CPQ: variants seen among roughly 807,000 people sequenced by gnomAD.
The protein encoded by CPQ is Ser-Met dipeptidase.
In CPQ, 37 loss-of-function variants were observed where a neutral mutation model predicts 45.7. The ratio of observed to expected loss-of-function variants is 0.81; its 90% CI spans 0.62 to 1.07. CPQ has a LOEUF of 1.07. CPQ is among the 50% of genes least tolerant of loss of function. CPQ has a pLI of 0.00. For missense variants in CPQ, 537 were observed against 572.9 expected (o/e 0.94, Z 0.64); for synonymous variants, 186 against 205.8 (o/e 0.90, Z 0.82).
At chr8:97,088,293 G>T (rs1008422301) in intron 7 of CPQ, among the ~76,000 whole-genome samples, 1 of 152,150 alleles carries the variant, frequency 6.6e-6, no homozygotes, top group African/African-American at 2.4e-5. Flanking sequence ...TTTTAATGTT[G>T]TGAATAGCTG....
Position 96,876,883 on chromosome 8 carries a change from GTTTTC to G in CPQ, c.642-2907_642-2903del, listed in dbSNP as rs951459210. Among the ~76,000 whole-genome samples the G allele has an allele frequency of 1.3e-4, 20 of 152,224 alleles. 1 individual carries two copies. Among genetic ancestry groups the G allele is most frequent in the Admixed American group, 1.2e-3 (19 of 15,282 alleles). On this transcript the variant is annotated intron_variant, in intron 3 of 7. Transcript: ENST00000220763. ...ATTTATAAGGGATTTTTGGTCTGTA[GTTTTC>G]TTTTCTTGTGTTGTGATGCCTTTGT...
chr8:96,744,996 A>G (rs1810155473), intron 1 of CPQ, among the ~76,000 whole-genome samples: 2 of 152,144 alleles, frequency 1.3e-5, no homozygotes, highest in Admixed American at 6.5e-5. Flanking sequence ...ATAGTGACTT[A>G]GGGTTAAATG....
At chr8:96,859,664 C>T (rs142830505) in intron 3 of CPQ, among the ~76,000 whole-genome samples, 1 of 152,086 alleles carries the variant, frequency 6.6e-6, no homozygotes, top group Non-Finnish European at 1.5e-5. Flanking sequence ...ATTTATTTAA[C>T]TTTTCTAGTT....
At chr8:96,953,838 G>A (rs1021588056) in intron 4 of CPQ, among the ~76,000 whole-genome samples, 10 of 152,088 alleles carry the variant, frequency 6.6e-5, no homozygotes, top group Non-Finnish European at 1.5e-4. Context: ...CTCTCAAAGT[G>A]CAGTGTGTGC....
At chr8:96,991,553 C>CATAATA (rs36215104) in intron 5 of CPQ, among the ~76,000 whole-genome samples, 9 of 139,980 alleles carry the variant, frequency 6.4e-5, no homozygotes, top group African/African-American at 1.3e-4. Flanking sequence ...AAGAGTCTGT[C>CATAATA]ATAATAATAA....
chr8:96,706,872 A>G lies in CPQ; in HGVS notation c.-35+61470A>G, dbSNP rs566923609. 2.6e-5 allele frequency among the ~76,000 whole-genome samples: 4 copies of G among 152,274 alleles called. No individual in the cohort carries two copies. The South Asian group carries it at 8.3e-4, about 32-fold the overall frequency. On this transcript the variant is annotated intron_variant, in intron 1 of 7. Coordinates refer to ENST00000220763, the MANE Select transcript of CPQ (RefSeq NM_016134.4). ...TTCAAATTTTCTATTTCTTACAACCATAATCTTCTAGAATAGCCACAAAGG... is the reference window on the plus strand; with the variant it reads ...TTCAAATTTTCTATTTCTTACAACCGTAATCTTCTAGAATAGCCACAAAGG...
intron 5 of CPQ, among the ~76,000 whole-genome samples, chr8:96,983,370 A>G (rs1563545908): frequency 6.6e-6 from 1 of 152,226 alleles, no homozygotes. Context: ...ATAGTGCCTT[A>G]AAGTTTCCAA....
At chr8:96,731,871 T>G (rs185369562) in intron 1 of CPQ, among the ~76,000 whole-genome samples, 2,913 of 152,086 alleles carry the variant, frequency 0.019, 101 homozygotes, top group African/African-American at 0.067. Flanking sequence ...TCCAATATGG[T>G]TAAACAAAAC....
At position 97,057,803 on chromosome 8, in the gene CPQ, AG is replaced by A. The variant is rs1004052178; in HGVS notation, c.1054-8204del. ...CCTTAAATTTTTGCAGGAGCAAGGCAGGCATTTAAAAAAAATTGAATGAAGT... is the reference window on the plus strand; with the variant it reads ...CCTTAAATTTTTGCAGGAGCAAGGCAGCATTTAAAAAAAATTGAATGAAGT... On this transcript the variant is annotated intron_variant, in intron 6 of 7. Coordinates refer to ENST00000220763, the MANE Select transcript of CPQ (RefSeq NM_016134.4). 3.9e-5 allele frequency among the ~76,000 whole-genome samples: 6 copies of A among 152,184 alleles called. 1 individual carries two copies. The highest frequency in any genetic ancestry group is 3.9e-4 in the Admixed American group (6 of 15,278).
At chr8:96,873,955 T>A (rs1257206249) in intron 3 of CPQ, among the ~76,000 whole-genome samples, 1 of 151,830 alleles carries the variant, frequency 6.6e-6, no homozygotes. Context: ...GGGAGTTTGA[T>A]TGATGTGTGA....
intron 7 of CPQ, chr8:97,092,928 G>A (rs1811149559): frequency 6.6e-6 from 1 of 152,088 alleles, no homozygotes; most frequent in Non-Finnish European, 1.5e-5. Flanking sequence ...TCTGACAAAG[G>A]TCTAATATCT....
At chr8:96,762,790 A>G (rs780422104) in intron 1 of CPQ, among the ~76,000 whole-genome samples, 7 of 152,294 alleles carry the variant, frequency 4.6e-5, no homozygotes, top group Admixed American at 6.5e-5. Flanking sequence ...TGTATATCCC[A>G]AGGTCACAAA....
intron 5 of CPQ, among the ~76,000 whole-genome samples, chr8:96,972,637 C>T (rs1813698776): frequency 6.6e-6 from 1 of 152,222 alleles, no homozygotes; most frequent in Non-Finnish European, 1.5e-5. Context: ...CGACTTCACT[C>T]CCCTGCTAAT....
At position 96,996,075 on chromosome 8, in the gene CPQ, G is replaced by C. The variant is rs376543255; in HGVS notation, c.961+30029G>C. Among the ~76,000 whole-genome samples, 8 of 152,022 alleles carry C rather than the reference G, an allele frequency of 5.3e-5. No individual in the cohort carries two copies. The East Asian group carries it at 9.6e-4, about 18-fold the overall frequency. On this transcript the variant is annotated intron_variant, in intron 5 of 7. Coordinates refer to ENST00000220763, the MANE Select transcript of CPQ (RefSeq NM_016134.4). ...GAAGGAGAGAAAGCCAGAAAGAACAGGGTGGACGATGGTGTTAAGTGTCAA... is the reference window on the plus strand; with the variant it reads ...GAAGGAGAGAAAGCCAGAAAGAACACGGTGGACGATGGTGTTAAGTGTCAA...
intron 4 of CPQ, among the ~76,000 whole-genome samples, chr8:96,913,765 G>C (rs956110568): frequency 2.6e-5 from 4 of 152,142 alleles, no homozygotes; most frequent in Non-Finnish European, 5.9e-5. Context: ...CTAAAGTCTT[G>C]CCTATTGCTG....
chr8:97,022,996 C>CTGT lies in CPQ; in HGVS notation c.962-6407_962-6406insTGT, dbSNP rs1563557037. Among the ~76,000 whole-genome samples the CTGT allele has an allele frequency of 4.9e-5, 7 of 143,362 alleles. No homozygotes were observed. The South Asian group carries it at 1.3e-3, about 26-fold the overall frequency. The allele number at this position is 143,362 out of a possible 152,430, so 94.1% of individuals were successfully genotyped here. ...ATATACTGTATATAGTATATATATA[C>CTGT]AGTATATATATACTATATATAGTAT... On this transcript the variant is annotated intron_variant, in intron 5 of 7. Transcript: ENST00000220763.
chr8:97,032,814 C>A (rs1809932540), intron 6 of CPQ, among the ~76,000 whole-genome samples: 1 of 152,146 alleles, frequency 6.6e-6, no homozygotes, highest in Admixed American at 6.5e-5. Flanking sequence ...ACTTTAAATG[C>A]ACACATAAGA....
chr8:96,887,447 C>T (rs1357811133), intron 4 of CPQ, among the ~76,000 whole-genome samples: 1 of 152,150 alleles, frequency 6.6e-6, no homozygotes, highest in Non-Finnish European at 1.5e-5. Context: ...CAGGGTGGAC[C>T]TGCTCTGACT....
At chr8:96,815,504 T>C (rs550805939) in intron 2 of CPQ, among the ~76,000 whole-genome samples, 18 of 151,290 alleles carry the variant, frequency 1.2e-4, no homozygotes, top group Non-Finnish European at 2.7e-4. Context: ...GTTGAGGGGG[T>C]TGGAGGAAAA....
Sources: allele counts gnomAD v4.1 joint callset (sites outside exome capture counted in the v4.1 genomes callset), GRCh38; gene constraint gnomAD v4.1.1; transcripts MANE v1.5; gene names NCBI Gene and HGNC (gene_info 2026-07-23, HGNC 2026-07-21).